The following CAMK1D variants were observed in gnomAD, a reference collection of about 807,000 sequenced individuals.
CAMK1D encodes calcium/calmodulin dependent protein kinase ID.
A neutral mutation model predicts 47.7 loss-of-function variants in CAMK1D; 9 were observed. The observed-to-expected ratio is 0.19, with a 90% confidence interval of 0.11 to 0.33. CAMK1D has a LOEUF of 0.33. Among genes scored for constraint, CAMK1D ranks in the 10% least tolerant of loss-of-function variants. The pLI, the probability that CAMK1D is intolerant of heterozygous loss-of-function variation, is 1.00. For missense variants in CAMK1D, 291 were observed against 488.7 expected, an observed-to-expected ratio of 0.60 and a Z score of 3.81; for synonymous variants, 184 against 184.9, an observed-to-expected ratio of 0.99 and a Z score of 0.04.
intron 1 of CAMK1D, among the ~76,000 whole-genome samples, chr10:12,388,643 C>T (rs1376198621): frequency 6.6e-6 from 1 of 152,178 alleles, no homozygotes; most frequent in Non-Finnish European, 1.5e-5. Context: ...AAAAACACAT[C>T]GCACCTGACA....
At chr10:12,395,065 A>ATTTTTTTTTT (rs5783265) in intron 1 of CAMK1D, among the ~76,000 whole-genome samples, 1 of 94,726 alleles carries the variant, frequency 1.1e-5, no homozygotes, top group African/African-American at 4.3e-5. Flanking sequence ...TAAAATTTTA[A>ATTTTTTTTTT]TTTTTTTTTT....
chr10:12,566,431 A>C (rs1415597618), intron 2 of CAMK1D, among the ~76,000 whole-genome samples: 1 of 152,152 alleles, frequency 6.6e-6, no homozygotes, highest in Non-Finnish European at 1.5e-5. Flanking sequence ...AGGATACATC[A>C]GTTTCACCAT....
chr10:12,566,674 C>T (rs1353884295), intron 2 of CAMK1D, among the ~76,000 whole-genome samples: 2 of 152,166 alleles, frequency 1.3e-5, no homozygotes, highest in Admixed American at 6.5e-5. Flanking sequence ...GGTTTCTGAC[C>T]TTCGAATTCA....
In CAMK1D at chr10:12,611,899, G is replaced by C. The variant is rs73572265; in HGVS notation, c.225-54837G>C. 8.2e-3 allele frequency among the ~76,000 whole-genome samples: 1,252 copies of C among 152,228 alleles called. 14 individuals carry two copies. Among genetic ancestry groups the C allele is most frequent in the African/African-American group, 0.028 (1,167 of 41,548 alleles). On this transcript the variant is annotated intron_variant, in intron 2 of 10. Transcript: ENST00000619168. The stretch of plus-strand genomic sequence containing the variant: ...TGAGCCACCGCGCCCAGCCCAGAAT[G>C]TCATTCGAGTTTTCTTTTTGCCCCA...
At chr10:12,361,667 T>C (rs1837669130) in intron 1 of CAMK1D, among the ~76,000 whole-genome samples, 1 of 150,318 alleles carries the variant, frequency 6.7e-6, no homozygotes, top group African/African-American at 2.4e-5. Flanking sequence ...GTGATTCTCC[T>C]GCCTCAGCCT....
At chr10:12,767,530 G>A (rs1836823554) in intron 4 of CAMK1D, among the ~76,000 whole-genome samples, 1 of 152,124 alleles carries the variant, frequency 6.6e-6, no homozygotes, top group South Asian at 2.1e-4. Flanking sequence ...ATGTGCCCAT[G>A]ACACAGCCTC....
chr10:12,656,919 T>C (rs1457746386), intron 2 of CAMK1D, among the ~76,000 whole-genome samples: 1 of 152,248 alleles, frequency 6.6e-6, no homozygotes, highest in East Asian at 1.9e-4. Context: ...TATTTTGATG[T>C]TCATTTAACA....
chr10:12,594,557 T>C (rs1175418249), intron 2 of CAMK1D, among the ~76,000 whole-genome samples: 1 of 152,216 alleles, frequency 6.6e-6, no homozygotes, highest in Non-Finnish European at 1.5e-5. Flanking sequence ...AGTGGGCCAA[T>C]GACAATGGGC....
At chr10:12,506,859 C>T (rs976071350) in intron 1 of CAMK1D, among the ~76,000 whole-genome samples, 1 of 152,160 alleles carries the variant, frequency 6.6e-6, no homozygotes, top group Non-Finnish European at 1.5e-5. Context: ...GCCCCCGAGC[C>T]CGAGGGTAGG....
chr10:12,436,566 G>T (rs937000398), intron 1 of CAMK1D, among the ~76,000 whole-genome samples: 1 of 152,206 alleles, frequency 6.6e-6, no homozygotes, highest in Non-Finnish European at 1.5e-5. Context: ...TAAAGTCTTT[G>T]GGGGCAGAGG....
intron 1 of CAMK1D, among the ~76,000 whole-genome samples, chr10:12,454,691 G>A (rs185197596): frequency 3.8e-4 from 57 of 151,494 alleles, no homozygotes; most frequent in Non-Finnish European, 5.6e-4. Flanking sequence ...TTGAAATCCT[G>A]GACTCAAGTG....
chr10:12,390,264 G>A (rs922449925), intron 1 of CAMK1D, among the ~76,000 whole-genome samples: 14 of 152,068 alleles, frequency 9.2e-5, no homozygotes, highest in African/African-American at 3.4e-4. Context: ...AAAAGATGGG[G>A]TCTTGCTCCA....
At chr10:12,351,254 C>T (rs1164212714) in intron 1 of CAMK1D, among the ~76,000 whole-genome samples, 1 of 151,998 alleles carries the variant, frequency 6.6e-6, no homozygotes, top group Non-Finnish European at 1.5e-5. Context: ...AGGGAGGGCA[C>T]CTATTTGCTA....
chr10:12,648,885 T>C (rs1839883539), intron 2 of CAMK1D, among the ~76,000 whole-genome samples: 1 of 152,194 alleles, frequency 6.6e-6, no homozygotes, highest in Non-Finnish European at 1.5e-5. Context: ...AATTTATTTT[T>C]TAATTTTTTG....
intron 3 of CAMK1D, among the ~76,000 whole-genome samples, chr10:12,722,446 CAAAAAAAAAAAAAAAAAA>C (rs55809900): frequency 4.1e-5 from 2 of 48,596 alleles, no homozygotes; most frequent in African/African-American, 1.6e-4. Context: ...GACTCCGCCT[CAAAAAAAAAAAAAAAAAA>C]AAAAAAAAAA....
At chr10:12,588,862 A>ATGTG (rs1554793226) in intron 2 of CAMK1D, among the ~76,000 whole-genome samples, 14 of 81,542 alleles carry the variant, frequency 1.7e-4, no homozygotes, top group Non-Finnish European at 2.6e-4. Flanking sequence ...ATGTATATGT[A>ATGTG]TATATGTGTG....
At chr10:12,776,246 G>C (rs1390835280) in intron 5 of CAMK1D, among the ~76,000 whole-genome samples, 5 of 152,234 alleles carry the variant, frequency 3.3e-5, no homozygotes, top group African/African-American at 1.2e-4. Flanking sequence ...GAGAAAGAAA[G>C]AAGGCAAGGA....
intron 2 of CAMK1D, among the ~76,000 whole-genome samples, chr10:12,581,956 C>G (rs954230929): frequency 1.3e-5 from 2 of 152,158 alleles, no homozygotes; most frequent in African/African-American, 4.8e-5. Context: ...CTCATGAAGT[C>G]TTTGCTTAAG....
chr10:12,571,453 C>CAAAAA (rs766454210), intron 2 of CAMK1D, among the ~76,000 whole-genome samples: 1 of 89,698 alleles, frequency 1.1e-5, no homozygotes, highest in African/African-American at 4.4e-5. Flanking sequence ...GACTCCATCA[C>CAAAAA]AAAAAAAAAA....
Sources: gnomAD v4.1 joint callset for allele counts (sites outside exome capture counted in the v4.1 genomes callset) on GRCh38, gnomAD v4.1.1 for gene constraint, MANE v1.5 for transcripts, NCBI Gene and HGNC (gene_info 2026-07-23, HGNC 2026-07-21) for gene names.